HMGB1: variants seen among roughly 807,000 people sequenced by gnomAD.
The protein encoded by HMGB1 is high mobility group protein B1.
For missense variants in HMGB1, 79 were observed against 253.5 expected (o/e 0.31, Z 4.67); for synonymous variants, 81 against 84.0 (o/e 0.96, Z 0.19).
intron 1 of HMGB1, among the ~76,000 whole-genome samples, chr13:30,608,912 A>G (rs901608577): frequency 4.6e-5 from 7 of 152,236 alleles, no homozygotes; most frequent in African/African-American, 9.6e-5. Context: ...AGTTTATAGT[A>G]TATTTGAGGT....
At chr13:30,553,721 C>A in intron 1 of HMGB1, 1 of 1,169,438 alleles carries the variant, frequency 8.6e-7, no homozygotes, top group Non-Finnish European at 1.3e-6. Context: ...CTCAGCATCG[C>A]TGGCAGCTGC....
At chr13:30,614,891 T>C (rs926976695) in intron 1 of HMGB1, among the ~76,000 whole-genome samples, 2 of 150,578 alleles carry the variant, frequency 1.3e-5, no homozygotes, top group Non-Finnish European at 3.0e-5. Context: ...TTTTTTTTTT[T>C]AGTAGAGACG....
chr13:30,531,305 A>C (rs1888487784), intron 1 of HMGB1, among the ~76,000 whole-genome samples: 1 of 152,226 alleles, frequency 6.6e-6, no homozygotes, highest in African/African-American at 2.4e-5. Flanking sequence ...ATTAAAGCTA[A>C]TGAAAGAAAA....
In HMGB1 at chr13:30,524,123, G is replaced by C. The variant is rs572034734; in HGVS notation, c.-14-60429C>G. ...AAACACCACATGCTCTCACTCGTAA[G>C]GGGGAGTTGAACAATGAGAACACAT... On this transcript the variant is annotated intron_variant, in intron 1 of 4. Transcript: ENST00000405805. Among the ~76,000 whole-genome samples, 8 of 151,962 alleles carry C rather than the reference G, an allele frequency of 5.3e-5. No homozygotes were observed. The South Asian group carries it at 1.0e-3, about 20-fold the overall frequency.
chr13:30,487,036 A>G (rs1887380899), intron 1 of HMGB1, among the ~76,000 whole-genome samples: 1 of 152,172 alleles, frequency 6.6e-6, no homozygotes, highest in Non-Finnish European at 1.5e-5. Context: ...TTGTAACAGG[A>G]GAAAAAAGGA....
rs576342729 is a variant in HMGB1, at chr13:30,585,925, T to C, written c.-15+30746A>G. ...CACAAAACTTCTCAGGAGTTGCTTG[T>C]TTCCTCTTGATCCACTTATCTTTAG... is the stretch of plus-strand genomic sequence containing the variant. On this transcript the variant is annotated intron_variant, in intron 1 of 4. Coordinates refer to the HMGB1 transcript ENST00000405805. Among the ~76,000 whole-genome samples, 28 of 152,292 alleles carry C rather than the reference T, an allele frequency of 1.8e-4. No homozygotes were observed. In the South Asian group the frequency reaches 5.6e-3, roughly 30 times the overall value.
intron 1 of HMGB1, among the ~76,000 whole-genome samples, chr13:30,533,806 C>A (rs920643825): frequency 2.0e-5 from 3 of 150,380 alleles, no homozygotes. Context: ...TTTTCCCTTA[C>A]ATAATTTAAA....
At chr13:30,462,214 G>A (rs1886391564) in intron 4 of HMGB1, 2 of 371,118 alleles carry the variant, frequency 5.4e-6, no homozygotes, top group Non-Finnish European at 1.0e-5. Context: ...ACTTTGTCTA[G>A]CCTGTTTTTG....
At chr13:30,498,898 T>TG in intron 1 of HMGB1, among the ~76,000 whole-genome samples, 1 of 151,410 alleles carries the variant, frequency 6.6e-6, no homozygotes, top group South Asian at 2.1e-4. Context: ...TCCACCTGTC[T>TG]CAGCCTCCTA....
chr13:30,495,484 T>C (rs904296870), intron 1 of HMGB1, among the ~76,000 whole-genome samples: 1 of 150,216 alleles, frequency 6.7e-6, no homozygotes, highest in African/African-American at 2.4e-5. Context: ...TCTTTTCTTT[T>C]TTTTTTTTTT....
chr13:30,461,260 C>A lies in HMGB1; in HGVS notation c.*97G>T. 2 of 1,495,190 alleles carry A rather than the reference C, an allele frequency of 1.3e-6. No individual in the cohort carries two copies. The highest frequency in any genetic ancestry group is 8.9e-7 in the Non-Finnish European group (1 of 1,123,550). The allele number at this position is 1,495,190 out of a possible 1,614,324, so 92.6% of individuals were successfully genotyped here. ...CAGTTTAAAAACAAATCTTACACAG[C>A]CTTACATTTCAATTTTTTTCTTTAA... On this transcript the variant is annotated 3_prime_UTR_variant, in exon 5 of 5. Transcript: ENST00000341423.
intron 1 of HMGB1, among the ~76,000 whole-genome samples, chr13:30,504,267 T>C (rs893378133): frequency 6.6e-6 from 1 of 152,224 alleles, no homozygotes; most frequent in African/African-American, 2.4e-5. Context: ...ACATCTGCTG[T>C]TCTTGCTAGT....
chr13:30,600,592 C>T (rs192053411), intron 1 of HMGB1, among the ~76,000 whole-genome samples: 177 of 152,158 alleles, frequency 1.2e-3, no homozygotes, highest in African/African-American at 3.5e-3. Context: ...TTGAGTATTC[C>T]TAATCCAAAA....
intron 1 of HMGB1, among the ~76,000 whole-genome samples, chr13:30,538,912 T>A (rs2137498891): frequency 6.6e-6 from 1 of 152,198 alleles, no homozygotes; most frequent in South Asian, 2.1e-4. Flanking sequence ...TGTTTTGTTT[T>A]TTGAGATGGA....
intron 1 of HMGB1, among the ~76,000 whole-genome samples, chr13:30,528,241 T>G (rs541994361): frequency 1.3e-5 from 2 of 152,280 alleles, no homozygotes; most frequent in East Asian, 3.9e-4. Flanking sequence ...AGGTGGGGAA[T>G]GAGGTGCAGT....
At position 30,524,715 on chromosome 13, in the gene HMGB1, T is replaced by A. The variant is rs1180484286; in HGVS notation, c.-14-61021A>T. Among the ~76,000 whole-genome samples, 75 of 151,536 alleles carry A rather than the reference T, an allele frequency of 4.9e-4. 1 individual carries two copies. The highest frequency in any genetic ancestry group is 6.8e-4 in the Non-Finnish European group (46 of 67,864). Reference sequence around the variant, plus strand: ...AAAATAAAATAAATAATAATAATAATAATAATAATAATTTGGTGAAATTCT... The same window carrying A: ...AAAATAAAATAAATAATAATAATAAAAATAATAATAATTTGGTGAAATTCT... On this transcript the variant is annotated intron_variant, in intron 1 of 4. Transcript: ENST00000405805.
intron 1 of HMGB1, among the ~76,000 whole-genome samples, chr13:30,535,654 C>G (rs776662625): frequency 1.3e-5 from 2 of 152,224 alleles, no homozygotes; most frequent in African/African-American, 2.4e-5. Flanking sequence ...CTTTGGGAAG[C>G]TGAGGAGGGC....
Position 30,457,922 on chromosome 13 carries a change from TCTGG to T in HMGB1, c.*3431_*3434del, listed in dbSNP as rs1886059112. Reference sequence around the variant, plus strand: ...TGCTGGATAGACAATCAAATCACTTTCTGGCTTTTATCTACTTTTAAAATACATT... The same window carrying T: ...TGCTGGATAGACAATCAAATCACTTTCTTTTATCTACTTTTAAAATACATT... On this transcript the variant is annotated 3_prime_UTR_variant, in exon 5 of 5. Coordinates refer to ENST00000341423, the MANE Select transcript of HMGB1 (RefSeq NM_002128.7). 1 of 152,144 alleles carries T rather than the reference TCTGG, an allele frequency of 6.6e-6. No homozygotes were observed. The highest frequency in any genetic ancestry group is 2.4e-5 in the African/African-American group (1 of 41,418). The allele number at this position is 152,144 out of a possible 1,614,324, so 9.4% of individuals were successfully genotyped here.
In HMGB1 at chr13:30,461,168, C is replaced by T. The variant is rs1565992993; in HGVS notation, c.*189G>A. On this transcript the variant is annotated 3_prime_UTR_variant, in exon 5 of 5. Coordinates refer to ENST00000341423, the MANE Select transcript of HMGB1 (RefSeq NM_002128.7). ...GCAAGGTTAGTGGCTATTGAAAATA[C>T]CACCAGGACAGGGCTATCTAAAGAC... 1.3e-5 allele frequency: 17 copies of T among 1,319,478 alleles called. No homozygotes were observed. The highest frequency in any genetic ancestry group is 1.6e-5 in the Non-Finnish European group (16 of 1,021,792). 81.7% of individuals were successfully genotyped at this position (1,319,478 alleles called of 1,614,324 possible).
Sources: gnomAD v4.1 joint callset for allele counts (sites outside exome capture counted in the v4.1 genomes callset) on GRCh38, gnomAD v4.1.1 for gene constraint, MANE v1.5 for transcripts, NCBI Gene and HGNC (gene_info 2026-07-23, HGNC 2026-07-21) for gene names.